Variants in SPATS2 observed in about 807,000 individuals in gnomAD.
SPATS2 encodes spermatogenesis associated serine rich 2, also known as spermatogenesis-associated serine-rich protein 2.
SPATS2 carries 38 observed loss-of-function variants against 63.7 expected under a neutral mutation model. That is an observed-to-expected ratio of 0.60 (90% CI 0.46 to 0.78). SPATS2 has a LOEUF of 0.78. SPATS2 is among the 30% of genes least tolerant of loss of function. SPATS2 has a pLI of 0.00. For synonymous variants in SPATS2, 207 were observed against 232.9 expected (o/e 0.89, Z 1.01); for missense variants, 588 against 666.2 (o/e 0.88, Z 1.29).
intron 2 of SPATS2, among the ~76,000 whole-genome samples, chr12:49,419,799 T>C (rs967557971): frequency 6.6e-6 from 1 of 152,208 alleles, no homozygotes; most frequent in African/African-American, 2.4e-5. Context: ...AACATTCTTA[T>C]GATTGTACAG....
At chr12:49,488,626 C>G (rs1461892335) in intron 4 of SPATS2, among the ~76,000 whole-genome samples, 1 of 152,050 alleles carries the variant, frequency 6.6e-6, no homozygotes, top group Non-Finnish European at 1.5e-5. Flanking sequence ...CCTCTGCACT[C>G]CAGCCTGGGT....
chr12:49,466,668 T>A (rs188363044), intron 3 of SPATS2, among the ~76,000 whole-genome samples: 38 of 152,348 alleles, frequency 2.5e-4, no homozygotes, highest in Non-Finnish European at 5.4e-4. Context: ...TCTGTCTTTA[T>A]GCTAGTACAC....
At chr12:49,487,340 A>C (rs1946312298) in intron 4 of SPATS2, among the ~76,000 whole-genome samples, 1 of 152,062 alleles carries the variant, frequency 6.6e-6, no homozygotes. Context: ...AAAATACAAA[A>C]ATTAGCCAGG....
At chr12:49,476,206 C>G (rs1019386796) in intron 3 of SPATS2, among the ~76,000 whole-genome samples, 1 of 152,184 alleles carries the variant, frequency 6.6e-6, no homozygotes, top group Non-Finnish European at 1.5e-5. Context: ...GAGGAACACA[C>G]AGGCGGCTGG....
At chr12:49,491,873 C>T (rs1032532209) in intron 6 of SPATS2, among the ~76,000 whole-genome samples, 12 of 152,190 alleles carry the variant, frequency 7.9e-5, no homozygotes, top group Admixed American at 5.2e-4. Flanking sequence ...TAAAGGTAAC[C>T]CCTTTAGGAA....
chr12:49,523,296 G>A (rs1004365419), intron 12 of SPATS2, among the ~76,000 whole-genome samples: 10 of 149,268 alleles, frequency 6.7e-5, no homozygotes, highest in African/African-American at 2.0e-4. Context: ...GCAACATAGC[G>A]AGGTTCCATC....
chr12:49,387,293 G>A (rs1026027267), intron 2 of SPATS2, among the ~76,000 whole-genome samples: 2 of 152,058 alleles, frequency 1.3e-5, no homozygotes, highest in African/African-American at 4.8e-5. Flanking sequence ...AGAGGTGGAT[G>A]ACACATGGAG....
chr12:49,414,921 CTT>C (rs143344581), intron 2 of SPATS2, among the ~76,000 whole-genome samples: 7 of 140,986 alleles, frequency 5.0e-5, no homozygotes, highest in African/African-American at 1.9e-4. Flanking sequence ...CTTTCTTTTT[CTT>C]TTTTTCTTTT....
intron 1 of SPATS2, among the ~76,000 whole-genome samples, chr12:49,369,030 CTTTTTTTTTT>C (rs35158946): frequency 1.4e-4 from 14 of 102,614 alleles, no homozygotes; most frequent in Admixed American, 3.3e-4. Flanking sequence ...CAATGTGCCT[CTTTTTTTTTT>C]TTTTTTTTTT....
At chr12:49,409,471 AATTTTTTGTATTTTTAGT>A (rs1475692583) in intron 2 of SPATS2, among the ~76,000 whole-genome samples, 1 of 150,768 alleles carries the variant, frequency 6.6e-6, no homozygotes, top group Non-Finnish European at 1.5e-5. Context: ...ATGCCCGGCT[AATTTTTTGTATTTTTAGT>A]AGAGATGGGG....
intron 10 of SPATS2, among the ~76,000 whole-genome samples, chr12:49,517,857 C>T (rs1242271119): frequency 6.6e-6 from 1 of 152,096 alleles, no homozygotes; most frequent in Non-Finnish European, 1.5e-5. Flanking sequence ...TGGTACCCAA[C>T]AACATTGGAT....
chr12:49,367,383 G>C (rs1171380946), upstream of SPATS2: 5 of 395,132 alleles, frequency 1.3e-5, no homozygotes, highest in East Asian at 7.2e-5. Flanking sequence ...CCTGCAGTCC[G>C]GCCCAGGAGA....
intron 2 of SPATS2, among the ~76,000 whole-genome samples, chr12:49,440,138 T>G (rs1945391056): frequency 6.6e-6 from 1 of 152,238 alleles, no homozygotes; most frequent in African/African-American, 2.4e-5. Flanking sequence ...CATGTTATTG[T>G]TGTTTTCTGA....
intron 4 of SPATS2, among the ~76,000 whole-genome samples, chr12:49,485,386 G>A (rs1946274032): frequency 6.6e-6 from 1 of 151,974 alleles, no homozygotes; most frequent in Non-Finnish European, 1.5e-5. Flanking sequence ...TTTCGAGACA[G>A]AGTCTCACTC....
At chr12:49,410,135 G>A (rs1278837754) in intron 2 of SPATS2, among the ~76,000 whole-genome samples, 2 of 151,958 alleles carry the variant, frequency 1.3e-5, no homozygotes, top group African/African-American at 2.4e-5. Flanking sequence ...GAGTGCAATG[G>A]TGCAGTCTTG....
chr12:49,526,407 A>C lies in SPATS2; in HGVS notation c.*152A>C. 3 of 929,320 alleles carry C rather than the reference A, an allele frequency of 3.2e-6. No individual in the cohort carries two copies. The highest frequency in any genetic ancestry group is 4.6e-6 in the Non-Finnish European group (3 of 645,508). 57.6% of individuals were successfully genotyped at this position (929,320 alleles called of 1,614,324 possible). ...AGTATTTTTGGTTTCTTGTCTCCTT[A>C]TTTCCTCTTTACCATTTTTGGAGGG... On this transcript the variant is annotated 3_prime_UTR_variant, in exon 14 of 14. Transcript: ENST00000552918.
intron 2 of SPATS2, among the ~76,000 whole-genome samples, chr12:49,392,916 G>A (rs914468725): frequency 4.6e-5 from 7 of 152,118 alleles, no homozygotes; most frequent in Admixed American, 1.3e-4. Context: ...GCCAGGCGTG[G>A]TGGCAGGCGC....
chr12:49,520,950 C>T (rs997343924), intron 11 of SPATS2, among the ~76,000 whole-genome samples: 2 of 151,942 alleles, frequency 1.3e-5, no homozygotes, highest in African/African-American at 4.8e-5. Flanking sequence ...AACCCCTGAC[C>T]CCAAGTGATG....
At chr12:49,388,619 A>C (rs1944362687) in intron 2 of SPATS2, among the ~76,000 whole-genome samples, 1 of 148,598 alleles carries the variant, frequency 6.7e-6, no homozygotes, top group Non-Finnish European at 1.5e-5. Flanking sequence ...CAAGTAATCC[A>C]CCTGTCTCAG....
Sources: gnomAD v4.1 joint callset for allele counts (sites outside exome capture counted in the v4.1 genomes callset) on GRCh38, gnomAD v4.1.1 for gene constraint, MANE v1.5 for transcripts, NCBI Gene and HGNC (gene_info 2026-07-23, HGNC 2026-07-21) for gene names.